The following LTBP2 variants were observed in gnomAD, a reference collection of about 807,000 sequenced individuals.
LTBP2 encodes latent transforming growth factor beta binding protein 2, also known as latent-transforming growth factor beta-binding protein 2.
LTBP2 carries 103 observed loss-of-function variants against 210.6 expected under a neutral mutation model. The ratio of observed to expected loss-of-function variants is 0.49; its 90% confidence interval spans 0.42 to 0.58. The LOEUF (loss-of-function observed/expected upper bound fraction) is 0.58, where lower values mean the gene tolerates loss of function less well. Ranked by LOEUF, LTBP2 falls within the 20% of genes least tolerant of loss-of-function variation. The pLI, the probability that LTBP2 is intolerant of heterozygous loss-of-function variation, is 0.00. For synonymous variants in LTBP2, 1,007 were observed against 1,015.0 expected (o/e 0.99, Z 0.15); for missense variants, 2,313 against 2,494.5 (o/e 0.93, Z 1.55).
chr14:74,579,272 C>T (rs2088103899), intron 3 of LTBP2, among the ~76,000 whole-genome samples: 1 of 152,204 alleles, frequency 6.6e-6, no homozygotes, highest in Admixed American at 6.5e-5. Flanking sequence ...CCTGGGTCTC[C>T]CCGGCAGTGG....
In LTBP2 at chr14:74,581,817, G is replaced by A. The variant is rs189019066; in HGVS notation, c.830+4037C>T. Among the ~76,000 whole-genome samples the A allele has an allele frequency of 1.4e-3, 217 of 152,094 alleles. 1 individual carries two copies. Among genetic ancestry groups the A allele is most frequent in the African/African-American group, 4.9e-3 (204 of 41,462 alleles). On this transcript the variant is annotated intron_variant, in intron 3 of 35. Transcript: ENST00000261978. ...GTGTGTCATGGCAGCCATAGAAAAC[G>A]AATACAGTGGATAAAGAGGTGGGGT...
intron 1 of LTBP2, among the ~76,000 whole-genome samples, chr14:74,605,158 T>A (rs543766610): frequency 6.6e-6 from 1 of 152,364 alleles, no homozygotes; most frequent in South Asian, 2.1e-4. Flanking sequence ...ACTCCTGTGA[T>A]CTCTGTGGCC....
chr14:74,527,891 TGGA>T (rs1555349296), intron 12 of LTBP2, among the ~76,000 whole-genome samples: 1 of 152,234 alleles, frequency 6.6e-6, no homozygotes, highest in Non-Finnish European at 1.5e-5. Flanking sequence ...TCCAGATTCC[TGGA>T]GCAGTTTGAC....
chr14:74,512,133 A>G (rs2530398), intron 18 of LTBP2, among the ~76,000 whole-genome samples: 101,743 of 151,608 alleles, frequency 0.67, 34,224 homozygotes, highest in East Asian at 0.74. Context: ...CTTCCCCGAC[A>G]TAACCTGGCA....
At chr14:74,501,222 A>C (rs1341652513) in intron 35 of LTBP2, among the ~76,000 whole-genome samples, 193 bp from the exon 36 acceptor site, 1 of 152,218 alleles carries the variant, frequency 6.6e-6, no homozygotes, top group African/African-American at 2.4e-5. Flanking sequence ...TACCATGCCC[A>C]AGACCGTGCT....
intron 8 of LTBP2, among the ~76,000 whole-genome samples, chr14:74,538,577 C>T (rs2087452204): frequency 6.6e-6 from 1 of 152,088 alleles, no homozygotes; most frequent in Admixed American, 6.6e-5. Context: ...CACTGTGTTG[C>T]AATATGCCAA....
chr14:74,595,341 G>A (rs1458822405), intron 2 of LTBP2, among the ~76,000 whole-genome samples: 2 of 152,246 alleles, frequency 1.3e-5, no homozygotes, highest in African/African-American at 4.8e-5. Context: ...TGAGGAGGAA[G>A]ACTCTGGGCC....
intron 2 of LTBP2, among the ~76,000 whole-genome samples, chr14:74,589,631 C>T (rs1377776178): frequency 6.6e-6 from 1 of 152,238 alleles, no homozygotes; most frequent in East Asian, 1.9e-4. Flanking sequence ...ACCCCTCCAT[C>T]TGCCCAAGCA....
chr14:74,611,129 G>T (rs1461294157), intron 1 of LTBP2, among the ~76,000 whole-genome samples: 1 of 152,222 alleles, frequency 6.6e-6, no homozygotes, highest in Non-Finnish European at 1.5e-5. Flanking sequence ...CGGCAGCGCT[G>T]CAAGAGTCTA....
At chr14:74,522,120 C>T (rs2087212436) in intron 16 of LTBP2, 81 bp from the exon 17 acceptor site, 2 of 1,502,592 alleles carry the variant, frequency 1.3e-6, no homozygotes, top group East Asian at 2.4e-5. Context: ...CCTGCCCACA[C>T]TAGGGGCTGG....
At chr14:74,504,630 T>A in intron 30 of LTBP2, 148 bp downstream of exon 30, 2 of 762,762 alleles carry the variant, frequency 2.6e-6, no homozygotes, top group Admixed American at 2.0e-5. Context: ...CAGCTAACAC[T>A]CTGCAGGGAG....
At chr14:74,506,910 C>T (rs947206015) in intron 26 of LTBP2, 87 bp from the exon 27 acceptor site, 90 of 1,585,088 alleles carry the variant, frequency 5.7e-5, no homozygotes, top group Admixed American at 2.5e-4. Context: ...CTCTCTCACA[C>T]GCATGCACAC....
At chr14:74,509,119 T>A in intron 22 of LTBP2, 119 bp downstream of exon 22, 4 of 1,580,870 alleles carry the variant, frequency 2.5e-6, no homozygotes, top group Non-Finnish European at 3.5e-6. Context: ...GAGCGACTCT[T>A]GGGGAGCGGG....
At chr14:74,599,679 AG>A (rs1164729249) in intron 2 of LTBP2, among the ~76,000 whole-genome samples, 1 of 152,244 alleles carries the variant, frequency 6.6e-6, no homozygotes, top group Non-Finnish European at 1.5e-5. Context: ...AGGTGGAAGG[AG>A]GGGCTGGGCT....
At chr14:74,556,322 A>G (rs1160297012) in intron 3 of LTBP2, among the ~76,000 whole-genome samples, 1 of 152,246 alleles carries the variant, frequency 6.6e-6, no homozygotes, top group Admixed American at 6.5e-5. Flanking sequence ...GCTCACGTAT[A>G]TGATTTTACA....
intron 2 of LTBP2, among the ~76,000 whole-genome samples, chr14:74,598,724 A>T (rs924297413): frequency 6.6e-6 from 1 of 152,196 alleles, no homozygotes; most frequent in Non-Finnish European, 1.5e-5. Context: ...CAGCCTGCCC[A>T]TAGCCCCTCA....
chr14:74,600,242 C>T (rs1302488138), intron 2 of LTBP2, among the ~76,000 whole-genome samples: 1 of 152,244 alleles, frequency 6.6e-6, no homozygotes, highest in Admixed American at 6.5e-5. Flanking sequence ...AATGAGCACA[C>T]AGCCCTGCCA....
In LTBP2 at chr14:74,498,212, A is replaced by T. The variant is rs1201026672; in HGVS notation, c.*2672T>A. 5.7e-6 allele frequency: 1 copy of T among 176,960 alleles called. No individual in the cohort carries two copies. The highest frequency in any genetic ancestry group is 1.2e-5 in the Non-Finnish European group (1 of 82,184). 11.0% of individuals were successfully genotyped at this position (176,960 alleles called of 1,614,324 possible). On this transcript the variant is annotated 3_prime_UTR_variant, in exon 36 of 36. Transcript: ENST00000261978. ...TTTAAAAATATTTTATTTTTTTTGA[A>T]TAGGTGATACATATGGTACAAAATT...
chr14:74,559,469 AG>A (rs113806860), intron 3 of LTBP2, among the ~76,000 whole-genome samples: 48 of 152,236 alleles, frequency 3.2e-4, no homozygotes, highest in African/African-American at 1.1e-3. Context: ...CCATATAAGG[AG>A]GTTGATAACT....
Sources: allele counts gnomAD v4.1 joint callset (sites outside exome capture counted in the v4.1 genomes callset), GRCh38; gene constraint gnomAD v4.1.1; transcripts MANE v1.5; gene names NCBI Gene and HGNC (gene_info 2026-07-23, HGNC 2026-07-21).